The following SLC44A5 variants were observed in gnomAD, a reference collection of about 807,000 sequenced individuals.
The protein encoded by SLC44A5 is solute carrier family 44 member 5.
In SLC44A5, 57 loss-of-function variants were observed where a neutral mutation model predicts 101.8. That is an observed-to-expected ratio of 0.56 (90% confidence interval 0.45 to 0.70). The LOEUF is 0.70. SLC44A5 is among the 30% of genes least tolerant of loss of function. The pLI is 0.00. For missense variants in SLC44A5, 737 were observed against 853.1 expected (o/e 0.86, Z 1.70); for synonymous variants, 281 against 290.9 (o/e 0.97, Z 0.35).
At chr1:75,569,527 C>T (rs1184321148) in intron 1 of SLC44A5, among the ~76,000 whole-genome samples, 1 of 152,100 alleles carries the variant, frequency 6.6e-6, no homozygotes, top group Non-Finnish European at 1.5e-5. Flanking sequence ...TAGGTGTGAG[C>T]CACGAAGGCT....
upstream of SLC44A5, among the ~76,000 whole-genome samples, chr1:75,612,642 C>A (rs1451526510): frequency 6.6e-6 from 1 of 152,224 alleles, no homozygotes; most frequent in Non-Finnish European, 1.5e-5. Flanking sequence ...CCTCCTCTTA[C>A]TTCATTGTCT....
the SLC44A5 span, among the ~76,000 whole-genome samples, chr1:75,700,872 T>C: frequency 0.24 from 35,854 of 152,124 alleles, 4,608 homozygotes; most frequent in Non-Finnish European, 0.3. Flanking sequence ...GAGAATACTA[T>C]AAACACCTCT....
intron 4 of SLC44A5, among the ~76,000 whole-genome samples, chr1:75,325,960 A>T (rs1380724745): frequency 6.6e-6 from 1 of 151,980 alleles, no homozygotes. Context: ...ACATATTTTA[A>T]ATAATAAATG....
chr1:75,448,682 C>T (rs536633860), intron 2 of SLC44A5, among the ~76,000 whole-genome samples: 9 of 152,224 alleles, frequency 5.9e-5, no homozygotes, highest in Non-Finnish European at 1.3e-4. Flanking sequence ...CACCTCTCAC[C>T]TGTTTTGCTA....
intron 11 of SLC44A5, among the ~76,000 whole-genome samples, chr1:75,236,110 G>C (rs1221167935): frequency 1.3e-5 from 2 of 152,068 alleles, no homozygotes; most frequent in Non-Finnish European, 2.9e-5. Flanking sequence ...AAAGGAAACA[G>C]AATGTGCAAA....
intron 7 of SLC44A5, among the ~76,000 whole-genome samples, chr1:75,244,060 C>A (rs989299975): frequency 1.3e-5 from 2 of 152,098 alleles, no homozygotes; most frequent in African/African-American, 4.8e-5. Context: ...AGCTGAAGCC[C>A]TCAACAGAAG....
rs59692815 is a variant in SLC44A5, at chr1:75,483,346, A to G, written c.13+58089T>C. ...AAAATCAAAGTTCTAAACCTCAAAA[A>G]AAGCTTAAAAACATTTGGTTCCCTA... On this transcript the variant is annotated intron_variant, in intron 2 of 23. Coordinates refer to ENST00000370859, the MANE Select transcript of SLC44A5 (RefSeq NM_001130058.2). Among the ~76,000 whole-genome samples the G allele has an allele frequency of 9.5e-3, 1,450 of 152,342 alleles. 30 individuals are homozygous for G. The highest frequency in any genetic ancestry group is 0.033 in the African/African-American group (1,372 of 41,586).
At chr1:75,568,005 C>G (rs920819306) in intron 1 of SLC44A5, among the ~76,000 whole-genome samples, 2 of 152,154 alleles carry the variant, frequency 1.3e-5, no homozygotes, top group African/African-American at 4.8e-5. Context: ...TAGTTAAATA[C>G]ATTATTAGTG....
At chr1:75,444,401 GAGAGAA>G (rs970695853) in intron 2 of SLC44A5, among the ~76,000 whole-genome samples, 3 of 145,362 alleles carry the variant, frequency 2.1e-5, no homozygotes, top group African/African-American at 5.1e-5. Flanking sequence ...AGGAAGGAAG[GAGAGAA>G]AGAGAAAGAG....
intron 14 of SLC44A5, 50 bp from the exon 15 acceptor site, chr1:75,219,942 C>G (rs1647042833): frequency 7.9e-7 from 1 of 1,268,210 alleles, no homozygotes. Flanking sequence ...TAGAAATAAG[C>G]TTTAGACTGA....
At chr1:75,664,886 A>C in the SLC44A5 span, among the ~76,000 whole-genome samples, 2 of 150,948 alleles carry the variant, frequency 1.3e-5, no homozygotes, top group South Asian at 4.2e-4. Flanking sequence ...GCACCACTGC[A>C]CTCCAGGCTG....
chr1:75,330,196 CAT>C (rs772833551), intron 4 of SLC44A5, among the ~76,000 whole-genome samples: 2 of 137,138 alleles, frequency 1.5e-5, no homozygotes, highest in African/African-American at 2.6e-5. Flanking sequence ...TACGTATATG[CAT>C]ATATATATAT....
At chr1:75,447,027 C>T (rs1469605574) in intron 2 of SLC44A5, among the ~76,000 whole-genome samples, 1 of 152,086 alleles carries the variant, frequency 6.6e-6, no homozygotes, top group Non-Finnish European at 1.5e-5. Flanking sequence ...AAAGCACAGG[C>T]CTGTGGAAGG....
chr1:75,511,991 C>T (rs2101872523), intron 2 of SLC44A5, among the ~76,000 whole-genome samples: 1 of 152,242 alleles, frequency 6.6e-6, no homozygotes. Flanking sequence ...ATGTGGAGGG[C>T]TGTGACAGGA....
intron 2 of SLC44A5, among the ~76,000 whole-genome samples, chr1:75,466,958 T>C (rs1378098911): frequency 1.3e-5 from 2 of 152,120 alleles, no homozygotes; most frequent in African/African-American, 2.4e-5. Flanking sequence ...CAAAAAACTA[T>C]TAGAATTGAT....
At chr1:75,448,610 A>G (rs1665721758) in intron 2 of SLC44A5, among the ~76,000 whole-genome samples, 1 of 152,144 alleles carries the variant, frequency 6.6e-6, no homozygotes. Context: ...CCTCCTAGAC[A>G]TTTCACAAAA....
intron 4 of SLC44A5, among the ~76,000 whole-genome samples, chr1:75,305,039 G>A (rs898698718): frequency 6.6e-6 from 1 of 152,128 alleles, no homozygotes; most frequent in Admixed American, 6.6e-5. Flanking sequence ...AACTACTATT[G>A]CTACCTTATA....
At chr1:75,312,544 T>C (rs1041026491) in intron 4 of SLC44A5, among the ~76,000 whole-genome samples, 2 of 152,094 alleles carry the variant, frequency 1.3e-5, no homozygotes, top group Non-Finnish European at 2.9e-5. Context: ...TTTGGTTCTT[T>C]CCTGTCCTTC....
chr1:75,503,149 C>T (rs1435447485), intron 2 of SLC44A5, among the ~76,000 whole-genome samples: 1 of 151,488 alleles, frequency 6.6e-6, no homozygotes, highest in African/African-American at 2.4e-5. Context: ...TTCACTTTAC[C>T]TCAACTCTTT....
Sources: gnomAD v4.1 joint callset for allele counts (sites outside exome capture counted in the v4.1 genomes callset) on GRCh38, gnomAD v4.1.1 for gene constraint, MANE v1.5 for transcripts, NCBI Gene and HGNC (gene_info 2026-07-23, HGNC 2026-07-21) for gene names.